Variants in BTBD9 observed in about 807,000 individuals in gnomAD.
BTBD9 encodes the protein BTB/POZ domain-containing protein 9.
BTBD9 carries 49 observed loss-of-function variants against 64.3 expected under a neutral mutation model. The ratio of observed to expected loss-of-function variants is 0.76; its 90% confidence interval spans 0.61 to 0.97. The LOEUF is 0.97. Among genes scored for constraint, BTBD9 ranks in the 50% least tolerant of loss-of-function variants. BTBD9 has a pLI of 0.00. For synonymous variants in BTBD9, 260 were observed against 274.7 expected (o/e 0.95, Z 0.53); for missense variants, 598 against 762.1 (o/e 0.78, Z 2.53).
rs1778239083 is a variant in BTBD9 at position 38,628,308 on chromosome 6, G to A, written c.-28+11492C>T. 2.0e-5 allele frequency among the ~76,000 whole-genome samples: 3 copies of A among 152,136 alleles called. No individual in the cohort carries two copies. The South Asian group carries it at 6.2e-4, about 31-fold the overall frequency. On this transcript the variant is annotated intron_variant, in intron 1 of 10. Coordinates refer to ENST00000481247, the MANE Select transcript of BTBD9 (RefSeq NM_001099272.2). ...ACATAACCACACAGAAGAAAGCAGGGGAGAAGAGAAGTACTAACTCCTATA... is the reference window on the plus strand; with the variant it reads ...ACATAACCACACAGAAGAAAGCAGGAGAGAAGAGAAGTACTAACTCCTATA...
At chr6:38,374,297 G>GTGTA (rs1582317340) in intron 6 of BTBD9, among the ~76,000 whole-genome samples, 3 of 53,696 alleles carry the variant, frequency 5.6e-5, no homozygotes, top group East Asian at 1.2e-3. Flanking sequence ...ATATATATAT[G>GTGTA]TATATATATG....
At chr6:38,438,230 G>A (rs142042173) in intron 6 of BTBD9, among the ~76,000 whole-genome samples, 1 of 88,102 alleles carries the variant, frequency 1.1e-5, no homozygotes, top group Admixed American at 1.2e-4. Context: ...GAGGGAGGGA[G>A]GGAGGGAGGG....
At chr6:38,377,527 T>C (rs1316009006) in intron 6 of BTBD9, among the ~76,000 whole-genome samples, 1 of 152,326 alleles carries the variant, frequency 6.6e-6, no homozygotes, top group East Asian at 1.9e-4. Flanking sequence ...CTCAATTTAC[T>C]GTGCGTTTCA....
At chr6:38,592,891 C>CA in intron 3 of BTBD9, 51 bp from the exon 4 acceptor site, 1 of 1,562,098 alleles carries the variant, frequency 6.4e-7, no homozygotes, top group South Asian at 1.2e-5. Context: ...TCAACCACTG[C>CA]ATGACCAATC....
chr6:38,593,699 T>C (rs927627192), intron 3 of BTBD9, among the ~76,000 whole-genome samples: 1 of 152,164 alleles, frequency 6.6e-6, no homozygotes, highest in Non-Finnish European at 1.5e-5. Context: ...GTCACTACCT[T>C]GAAAACAACC....
intron 9 of BTBD9, among the ~76,000 whole-genome samples, chr6:38,244,186 C>T (rs1344872289): frequency 6.6e-6 from 1 of 152,176 alleles, no homozygotes; most frequent in Non-Finnish European, 1.5e-5. Context: ...AGTTTGCTTA[C>T]CTACCTTGGG....
At chr6:38,573,110 A>T (rs1157374846) in intron 6 of BTBD9, among the ~76,000 whole-genome samples, 1 of 152,140 alleles carries the variant, frequency 6.6e-6, no homozygotes, top group East Asian at 1.9e-4. Flanking sequence ...AGAAATTAAC[A>T]AATGGCCAGT....
chr6:38,542,202 G>A (rs1774311085), intron 6 of BTBD9, among the ~76,000 whole-genome samples: 2 of 152,116 alleles, frequency 1.3e-5, no homozygotes, highest in South Asian at 2.1e-4. Context: ...AACAAGTCTT[G>A]CGTATCCAAC....
At chr6:38,500,651 T>C (rs1582534357) in intron 6 of BTBD9, among the ~76,000 whole-genome samples, 1 of 152,220 alleles carries the variant, frequency 6.6e-6, no homozygotes, top group South Asian at 2.1e-4. Flanking sequence ...TGCAAATGCC[T>C]ATCCATTGCT....
At chr6:38,565,562 GCA>G (rs1413747684) in intron 6 of BTBD9, among the ~76,000 whole-genome samples, 1 of 152,120 alleles carries the variant, frequency 6.6e-6, no homozygotes, top group Non-Finnish European at 1.5e-5. Context: ...AACAACAAGT[GCA>G]CAGTTGTTTA....
chr6:38,388,062 GA>G (rs1766255995), intron 6 of BTBD9, among the ~76,000 whole-genome samples: 2 of 151,892 alleles, frequency 1.3e-5, no homozygotes, highest in East Asian at 1.9e-4. Context: ...ATCTCCAAGT[GA>G]AAAATAAAAA....
chr6:38,532,007 C>A (rs1022895726), intron 6 of BTBD9, among the ~76,000 whole-genome samples: 2 of 152,094 alleles, frequency 1.3e-5, no homozygotes, highest in African/African-American at 4.8e-5. Flanking sequence ...TCACAGTACC[C>A]GGGTTTAACT....
intron 9 of BTBD9, among the ~76,000 whole-genome samples, chr6:38,255,473 C>T (rs567874054): frequency 2.1e-3 from 315 of 152,178 alleles, no homozygotes; most frequent in Middle Eastern, 0.01. Flanking sequence ...AACGCATTTG[C>T]TCCACCTTGC....
intron 6 of BTBD9, among the ~76,000 whole-genome samples, chr6:38,452,725 T>C (rs574942054): frequency 5.3e-5 from 8 of 152,144 alleles, no homozygotes; most frequent in Non-Finnish European, 1.0e-4. Flanking sequence ...TGAAGTGAAA[T>C]AGGTAAAACA....
At chr6:38,197,695 A>G (rs1308476292) in intron 9 of BTBD9, among the ~76,000 whole-genome samples, 1 of 152,232 alleles carries the variant, frequency 6.6e-6, no homozygotes, top group Non-Finnish European at 1.5e-5. Context: ...TATTACTCTC[A>G]CATCTTTACA....
intron 8 of BTBD9, among the ~76,000 whole-genome samples, chr6:38,262,896 G>C (rs1481683757): frequency 6.6e-6 from 1 of 152,216 alleles, no homozygotes; most frequent in Non-Finnish European, 1.5e-5. Flanking sequence ...GAGGTCAACA[G>C]CTTCTCCACT....
At chr6:38,481,787 G>GTTAT (rs1771159353) in intron 6 of BTBD9, 1 of 152,216 alleles carries the variant, frequency 6.6e-6, no homozygotes, top group Admixed American at 6.5e-5. Flanking sequence ...ACTTACAAAG[G>GTTAT]TATAAAAGCT....
chr6:38,411,544 A>C (rs1767425221), intron 6 of BTBD9, among the ~76,000 whole-genome samples: 2 of 152,220 alleles, frequency 1.3e-5, no homozygotes, highest in Admixed American at 6.5e-5. Context: ...TTAGTTCCAA[A>C]GCAAACAAAC....
intron 6 of BTBD9, among the ~76,000 whole-genome samples, chr6:38,459,071 T>C (rs1293077320): frequency 6.6e-6 from 1 of 152,124 alleles, no homozygotes; most frequent in Non-Finnish European, 1.5e-5. Flanking sequence ...CAGGCTGGAG[T>C]GCAATGGTGT....
Sources: gnomAD v4.1 joint callset for allele counts (sites outside exome capture counted in the v4.1 genomes callset) on GRCh38, gnomAD v4.1.1 for gene constraint, MANE v1.5 for transcripts, NCBI Gene and HGNC (gene_info 2026-07-23, HGNC 2026-07-21) for gene names.